CERKL: variants seen among roughly 807,000 people sequenced by gnomAD.
The protein encoded by CERKL is CERK like autophagy regulator.
A neutral mutation model predicts 63.4 loss-of-function variants in CERKL; 61 were observed. The ratio of observed to expected loss-of-function variants is 0.96; its 90% CI spans 0.78 to 1.19. CERKL has a LOEUF of 1.19. Ranked by LOEUF, CERKL falls within the 50% of genes most tolerant of loss-of-function variation. The probability of loss-of-function intolerance (pLI) is 0.00; values close to 1 mark genes in which losing one functional copy is unlikely to be tolerated. For synonymous variants in CERKL, 250 were observed against 230.5 expected, an observed-to-expected ratio of 1.08 and a Z score of -0.77; for missense variants, 675 against 655.5, an observed-to-expected ratio of 1.03 and a Z score of -0.33.
Position 181,538,200 on chromosome 2 carries a change from T to TCTTCCATGCTTCCTCCATA in CERKL, c.1564_1582dup (p.Glu528ValfsTer18), listed in dbSNP as rs1335923722. On this transcript the variant is annotated frameshift_variant, in exon 13 of 13. Transcript: ENST00000410087. LOFTEE classifies it high-confidence loss of function. Reference sequence around the variant, plus strand: ...AATTACATGTTACTTTGGAATCATTTCTTCCATGCTTCCTCCATAAAGACT... The same window carrying TCTTCCATGCTTCCTCCATA: ...AATTACATGTTACTTTGGAATCATTTCTTCCATGCTTCCTCCATACTTCCATGCTTCCTCCATAAAGACT... The TCTTCCATGCTTCCTCCATA allele has an allele frequency of 6.3e-7, 1 of 1,582,368 alleles. No individual in the cohort carries two copies. Among genetic ancestry groups the TCTTCCATGCTTCCTCCATA allele is most frequent in the Admixed American group, 1.7e-5 (1 of 59,902 alleles).
chr2:181,637,958 T>C (rs1687253048), intron 1 of CERKL, among the ~76,000 whole-genome samples: 1 of 152,136 alleles, frequency 6.6e-6, no homozygotes, highest in African/African-American at 2.4e-5. Flanking sequence ...TCAGTAATTA[T>C]ACTTTTGATT....
chr2:181,587,421 C>G (rs1443878323), intron 2 of CERKL, among the ~76,000 whole-genome samples: 1 of 152,114 alleles, frequency 6.6e-6, no homozygotes, highest in South Asian at 2.1e-4. Context: ...AGCAAGAGAA[C>G]AGCGAAGAAG....
chr2:181,626,247 A>G (rs1212893536), intron 1 of CERKL, among the ~76,000 whole-genome samples: 1 of 152,242 alleles, frequency 6.6e-6, no homozygotes, highest in Non-Finnish European at 1.5e-5. Flanking sequence ...CTGAATGTTC[A>G]AAATGGAAAA....
chr2:181,644,258 G>A (rs927576790), intron 1 of CERKL, among the ~76,000 whole-genome samples: 2 of 152,250 alleles, frequency 1.3e-5, no homozygotes, highest in African/African-American at 4.8e-5. Context: ...AGGGTCCCAT[G>A]ACCCAGAGTG....
At chr2:181,555,945 G>A (rs955208652) in intron 5 of CERKL, among the ~76,000 whole-genome samples, 8 of 151,698 alleles carry the variant, frequency 5.3e-5, no homozygotes, top group African/African-American at 1.9e-4. Flanking sequence ...TAGAGATAGG[G>A]TTTCACCATG....
chr2:181,597,035 T>TG (rs1292953130), intron 2 of CERKL, among the ~76,000 whole-genome samples: 1 of 152,208 alleles, frequency 6.6e-6, no homozygotes, highest in East Asian at 1.9e-4. Flanking sequence ...ATTCTCTGCT[T>TG]GCTTTATTAT....
chr2:181,580,324 T>A (rs1684450079), intron 2 of CERKL, among the ~76,000 whole-genome samples: 1 of 150,324 alleles, frequency 6.7e-6, no homozygotes, highest in East Asian at 1.9e-4. Context: ...CTAACTGATC[T>A]CCTAACTGGC....
intron 1 of CERKL, among the ~76,000 whole-genome samples, chr2:181,615,074 T>C (rs1052890153): frequency 2.6e-5 from 4 of 152,208 alleles, no homozygotes; most frequent in Admixed American, 6.5e-5. Flanking sequence ...TCACATTACT[T>C]ACAGAGATAC....
chr2:181,578,642 C>T (rs1684366573), intron 2 of CERKL, among the ~76,000 whole-genome samples: 1 of 151,906 alleles, frequency 6.6e-6, no homozygotes, highest in Non-Finnish European at 1.5e-5. Context: ...CACGTATATT[C>T]TACAGCTTTT....
intron 1 of CERKL, among the ~76,000 whole-genome samples, chr2:181,646,363 TC>T (rs1687671067): frequency 6.6e-6 from 1 of 152,240 alleles, no homozygotes; most frequent in Admixed American, 6.5e-5. Flanking sequence ...ATTCTAGTTA[TC>T]CTAGTTATTG....
chr2:181,576,335 T>C (rs1220296393), intron 2 of CERKL, among the ~76,000 whole-genome samples: 1 of 152,058 alleles, frequency 6.6e-6, no homozygotes, highest in Non-Finnish European at 1.5e-5. Flanking sequence ...TTAAACTCTG[T>C]CCCTCATCAC....
intron 1 of CERKL, among the ~76,000 whole-genome samples, chr2:181,618,608 G>A (rs541042837): frequency 2.7e-4 from 41 of 151,854 alleles, no homozygotes; most frequent in Non-Finnish European, 5.4e-4. Flanking sequence ...GTAGAGACAG[G>A]GTTTCACCAT....
rs1461353378 is a variant in CERKL at position 181,537,411 on chromosome 2, TTTG to T, written c.*770_*772del. ...AGATTTTGCCCAGTTCAAAATAGTATTTGTTATCAACTTACTTTGTTACTTGTA... is the reference window on the plus strand; with the variant it reads ...AGATTTTGCCCAGTTCAAAATAGTATTTATCAACTTACTTTGTTACTTGTA... On this transcript the variant is annotated 3_prime_UTR_variant, in exon 13 of 13. Coordinates refer to ENST00000410087, the MANE Select transcript of CERKL (RefSeq NM_201548.5). The T allele has an allele frequency of 6.7e-6, 3 of 449,376 alleles. No individual in the cohort carries two copies. Among genetic ancestry groups the T allele is most frequent in the Non-Finnish European group, 1.3e-5 (3 of 223,616 alleles). 27.8% of individuals were successfully genotyped at this position (449,376 alleles called of 1,614,324 possible). A position where few individuals can be genotyped will look rare whatever the true frequency, so the allele number is the denominator to read the frequency against.
At chr2:181,609,752 CAG>C (rs1685884971) in intron 1 of CERKL, among the ~76,000 whole-genome samples, 1 of 151,662 alleles carries the variant, frequency 6.6e-6, no homozygotes, top group South Asian at 2.1e-4. Flanking sequence ...CACACCCTAT[CAG>C]ATATATTTGG....
In CERKL at chr2:181,544,488, C is replaced by T. The variant is rs150833468; in HGVS notation, c.1365+212G>A. 7.3e-5 allele frequency among the ~76,000 whole-genome samples: 11 copies of T among 150,730 alleles called. No homozygotes were observed. The East Asian group carries it at 2.0e-3, about 27-fold the overall frequency. Reference sequence around the variant, plus strand: ...ATCTTTGTGGTTACAGATACATAACCACTAATTCATCATTCAAAAAAGGCC... The same window carrying T: ...ATCTTTGTGGTTACAGATACATAACTACTAATTCATCATTCAAAAAAGGCC... On this transcript the variant is annotated intron_variant, in intron 11 of 12. Transcript: ENST00000410087.
At chr2:181,540,381 T>C (rs923836336) in intron 11 of CERKL, among the ~76,000 whole-genome samples, 3 of 152,200 alleles carry the variant, frequency 2.0e-5, no homozygotes, top group African/African-American at 7.2e-5. Flanking sequence ...TGATCTAAAT[T>C]ATATTTCCCT....
intron 2 of CERKL, 184 bp downstream of exon 2, chr2:181,603,653 T>C (rs1020960509): frequency 1.3e-5 from 9 of 702,488 alleles, no homozygotes; most frequent in Non-Finnish European, 2.1e-5. Flanking sequence ...GGGAAAAATA[T>C]GATTATCTCA....
intron 5 of CERKL, among the ~76,000 whole-genome samples, chr2:181,556,020 G>A (rs1424061332): frequency 2.0e-5 from 3 of 151,830 alleles, no homozygotes; most frequent in African/African-American, 7.3e-5. Context: ...CCAAAGTGCT[G>A]GGATTACAGG....
chr2:181,619,214 C>T (rs1316187361), intron 1 of CERKL, among the ~76,000 whole-genome samples: 1 of 152,080 alleles, frequency 6.6e-6, no homozygotes, highest in East Asian at 1.9e-4. Flanking sequence ...CCACTTCCAT[C>T]TCAGTCCCTC....
Sources: allele counts gnomAD v4.1 joint callset (sites outside exome capture counted in the v4.1 genomes callset), GRCh38; gene constraint gnomAD v4.1.1; transcripts MANE v1.5; gene names NCBI Gene and HGNC (gene_info 2026-07-23, HGNC 2026-07-21).